Variants in ODAD4 observed in about 807,000 individuals in gnomAD.
ODAD4 encodes outer dynein arm docking complex subunit 4, also known as outer dynein arm-docking complex subunit 4.
Under a neutral mutation model 51.8 loss-of-function variants are expected in ODAD4, and 49 were observed. That is an observed-to-expected ratio of 0.95 (90% CI 0.75 to 1.20). The LOEUF (loss-of-function observed/expected upper bound fraction) is 1.20. ODAD4 is among the 50% of genes most tolerant of loss of function. The probability of loss-of-function intolerance (pLI) is 0.00; values close to 1 mark genes in which losing one functional copy is unlikely to be tolerated. For synonymous variants in ODAD4, 235 were observed against 221.3 expected, an observed-to-expected ratio of 1.06 and a Z score of -0.55; for missense variants, 590 against 586.5, an observed-to-expected ratio of 1.01 and a Z score of -0.06.
At chr17:41,962,734 G>A (rs2144545474) in intron 11 of ODAD4, among the ~76,000 whole-genome samples, 1 of 152,324 alleles carries the variant, frequency 6.6e-6, no homozygotes, top group Middle Eastern at 3.4e-3. Context: ...TGTTTCTAGT[G>A]ACACAGACAG....
chr17:41,945,267 C>A, intron 8 of ODAD4, 45 bp downstream of exon 8: 2 of 1,426,102 alleles, frequency 1.4e-6, no homozygotes, highest in Non-Finnish European at 2.0e-6. Context: ...ATGGTTAGAA[C>A]TTCTCACCAT....
intron 3 of ODAD4, 94 bp from the exon 4 acceptor site, chr17:41,936,379 C>T: frequency 2.3e-6 from 2 of 881,632 alleles, no homozygotes; most frequent in African/African-American, 1.7e-5. Flanking sequence ...CTCCACCATC[C>T]CCCTGCCAAA....
chr17:41,955,032 C>T (rs1555640783), intron 9 of ODAD4, 185 bp from the exon 10 acceptor site: 1 of 698,964 alleles, frequency 1.4e-6, no homozygotes, highest in Middle Eastern at 2.4e-4. Flanking sequence ...GGTGACATAG[C>T]CCAGGAACAC....
At chr17:41,933,907 C>T (rs2050385730) in intron 1 of ODAD4, among the ~76,000 whole-genome samples, 2 of 151,194 alleles carry the variant, frequency 1.3e-5, no homozygotes, top group Admixed American at 6.6e-5. Context: ...AAAGAGGACA[C>T]TGGGAGTGGG....
At chr17:41,944,852 G>T (rs797037504) in intron 7 of ODAD4, among the ~76,000 whole-genome samples, 1 of 152,046 alleles carries the variant, frequency 6.6e-6, no homozygotes, top group Admixed American at 6.6e-5. Flanking sequence ...GACTGTTCTT[G>T]TCACATTATC....
chr17:41,960,306 A>G (rs1489843633), intron 10 of ODAD4, among the ~76,000 whole-genome samples: 1 of 152,126 alleles, frequency 6.6e-6, no homozygotes, highest in Non-Finnish European at 1.5e-5. Flanking sequence ...TGTCTCTTAA[A>G]AAGAAAAAAC....
chr17:41,930,800 G>A lies in ODAD4; in HGVS notation c.77G>A (p.Cys26Tyr). The change falls in exon 1 of 12, where the codon TGC becomes TAC. Residue 26 changes from cysteine (C) to tyrosine (Y), a missense_variant. Transcript: ENST00000377540. ...GCCGAAGGCGAGCGGCTCTACCTGTGCGGGGAATTTTCTAAAGCCGCGCAG... is the reference window on the plus strand; with the variant it reads ...GCCGAAGGCGAGCGGCTCTACCTGTACGGGGAATTTTCTAAAGCCGCGCAG... ...YMAEGERLYL[C>Y]GEFSKAAQSF... The A allele has an allele frequency of 6.2e-7, 1 of 1,604,988 alleles. No homozygotes were observed. Among genetic ancestry groups the A allele is most frequent in the Middle Eastern group, 1.7e-4 (1 of 6,034 alleles).
intron 10 of ODAD4, 108 bp downstream of exon 10, chr17:41,955,425 G>C (rs1191009407): frequency 3.2e-6 from 2 of 632,890 alleles, no homozygotes; most frequent in African/African-American, 3.7e-5. Context: ...CCGTTTTTTT[G>C]TTTGTTTGTT....
chr17:41,941,112 G>A (rs868921131), intron 7 of ODAD4, among the ~76,000 whole-genome samples: 65 of 152,218 alleles, frequency 4.3e-4, no homozygotes, highest in African/African-American at 1.5e-3. Context: ...CAATGGCCAT[G>A]TCTTGTCCTG....
rs1555642584 is a variant in ODAD4, at chr17:41,965,518, G to T, written c.*35G>T. The T allele has an allele frequency of 1.4e-6, 1 of 729,718 alleles. No individual in the cohort carries two copies. Among genetic ancestry groups the T allele is most frequent in the African/African-American group, 1.8e-5 (1 of 56,618 alleles). The allele number at this position is 729,718 out of a possible 1,614,324, so 45.2% of individuals were successfully genotyped here. A position where few individuals can be genotyped will look rare whatever the true frequency, so the allele number is the denominator to read the frequency against. On this transcript the variant is annotated 3_prime_UTR_variant, in exon 12 of 12. Transcript: ENST00000377540. The stretch of plus-strand genomic sequence containing the variant: ...TAGAGATGAGGATCAGGAAGCTGGT[G>T]TTCAGAGGGATCATGGGATTTTATT...
Position 41,945,259 on chromosome 17 carries a change from G to C in ODAD4, c.1145+37G>C, listed in dbSNP as rs1598080132. 4.0e-6 allele frequency: 6 copies of C among 1,503,274 alleles called. No homozygotes were observed. The African/African-American group carries it at 8.3e-5, about 21-fold the overall frequency. The allele number at this position is 1,503,274 out of a possible 1,614,324, so 93.1% of individuals were successfully genotyped here. A position where few individuals can be genotyped will look rare whatever the true frequency, so the allele number is the denominator to read the frequency against. ...AGAATTGCCTCTTCCCCACCTCCAT[G>C]GTTAGAACTTCTCACCATAACATGA... On this transcript the variant is annotated intron_variant, in intron 8 of 11. Coordinates refer to ENST00000377540, the MANE Select transcript of ODAD4 (RefSeq NM_031421.5).
chr17:41,941,891 G>T (rs1555638755), intron 7 of ODAD4, among the ~76,000 whole-genome samples: 1 of 152,182 alleles, frequency 6.6e-6, no homozygotes, highest in Non-Finnish European at 1.5e-5. Context: ...ACTTTGGAAG[G>T]TGCTATTCCC....
chr17:41,931,039 G>A (rs1409677185), intron 1 of ODAD4, among the ~76,000 whole-genome samples: 2 of 151,780 alleles, frequency 1.3e-5, no homozygotes, highest in African/African-American at 4.8e-5. Flanking sequence ...GACTACAGGC[G>A]CGTGCCACCA....
intron 9 of ODAD4, among the ~76,000 whole-genome samples, chr17:41,952,440 G>A (rs955846221): frequency 6.8e-6 from 1 of 146,306 alleles, no homozygotes; most frequent in Non-Finnish European, 1.5e-5. Context: ...GGGAGGCTGA[G>A]GTAGAAGGAT....
intron 10 of ODAD4, 81 bp downstream of exon 10, chr17:41,955,398 T>G: frequency 1.5e-6 from 1 of 682,650 alleles, no homozygotes; most frequent in Non-Finnish European, 2.7e-6. Context: ...TCAGCCTGCT[T>G]GGGCGCCATT....
chr17:41,944,425 CACACACACACACA>C (rs2050552643), intron 7 of ODAD4, among the ~76,000 whole-genome samples: 5 of 8,422 alleles, frequency 5.9e-4, no homozygotes, highest in African/African-American at 8.9e-4. Context: ...CACACACACA[CACACACACACACA>C]CACACACCCC....
chr17:41,932,202 T>C (rs1030629034), intron 1 of ODAD4, among the ~76,000 whole-genome samples: 2 of 152,236 alleles, frequency 1.3e-5, no homozygotes, highest in East Asian at 3.9e-4. Flanking sequence ...CCCGAGTAGC[T>C]GGGATCCCAG....
In ODAD4 at chr17:41,945,195, T is replaced by G; in HGVS notation, c.1118T>G (p.Val373Gly). ...AACATTGGCAGAGTTTTTGCCAGAG[T>G]TGGGAAATTCCAGCAAGCCATTGAC... ...LDNIGRVFAR[V>G]GKFQQAIDTW... The change falls in exon 8 of 12, where the codon GTT becomes GGT. Residue 373 changes from valine (V) to glycine (G), a missense_variant. This residue lies in a region of ODAD4 where 226 missense variants were observed against 162.7 expected (regional missense o/e 1.39). Coordinates refer to ENST00000377540, the MANE Select transcript of ODAD4 (RefSeq NM_031421.5). 6.2e-7 allele frequency: 1 copy of G among 1,613,274 alleles called. No homozygotes were observed. The highest frequency in any genetic ancestry group is 1.7e-5 in the Admixed American group (1 of 59,920).
At chr17:41,953,068 T>A (rs1555640459) in intron 9 of ODAD4, among the ~76,000 whole-genome samples, 2 of 152,094 alleles carry the variant, frequency 1.3e-5, no homozygotes, top group Non-Finnish European at 2.9e-5. Flanking sequence ...TATTTTATTT[T>A]ATTTATTTTT....
Sources: allele counts gnomAD v4.1 joint callset (sites outside exome capture counted in the v4.1 genomes callset), GRCh38; gene constraint gnomAD v4.1.1; regional missense constraint gnomAD v4.1.1; transcripts MANE v1.5; gene names NCBI Gene and HGNC (gene_info 2026-07-23, HGNC 2026-07-21).